Variants in RPL35 observed in about 807,000 individuals in gnomAD.
The protein encoded by RPL35 is ribosomal protein L35.
Under a neutral mutation model 15.6 loss-of-function variants are expected in RPL35, and 2 were observed. The observed-to-expected ratio is 0.13, with a 90% CI of 0.05 to 0.40. The LOEUF is 0.40. Among genes scored for constraint, RPL35 ranks in the 10% least tolerant of loss-of-function variants. RPL35 has a pLI of 0.99. For synonymous variants in RPL35, 93 were observed against 67.9 expected, an observed-to-expected ratio of 1.37 and a Z score of -1.82; for missense variants, 111 against 164.7, an observed-to-expected ratio of 0.67 and a Z score of 1.79.
intron 3 of RPL35, among the ~76,000 whole-genome samples, chr9:124,859,969 A>G (rs923802076): frequency 6.6e-6 from 1 of 152,190 alleles, no homozygotes; most frequent in Non-Finnish European, 1.5e-5. Flanking sequence ...CCCAAGCCCC[A>G]ATGAATTCTT....
At chr9:124,858,651 T>C (rs968829059) in intron 3 of RPL35, 1 of 628,634 alleles carries the variant, frequency 1.6e-6, no homozygotes, top group Admixed American at 2.4e-5. Flanking sequence ...TGTCTTTCCA[T>C]CCTTGGCTCC....
intron 2 of RPL35, 185 bp downstream of exon 2, chr9:124,861,234 C>A (rs760723928): frequency 8.4e-6 from 6 of 718,022 alleles, no homozygotes; most frequent in South Asian, 3.7e-5. Context: ...GCATTCCAGG[C>A]ACAAGGACCG....
At chr9:124,858,675 C>T in intron 3 of RPL35, 1 of 615,096 alleles carries the variant, frequency 1.6e-6, no homozygotes, top group Non-Finnish European at 2.9e-6. Flanking sequence ...TCCTGCCCCA[C>T]TTGTTCTCCA....
intron 3 of RPL35, among the ~76,000 whole-genome samples, chr9:124,859,618 T>C (rs1319942505): frequency 1.3e-5 from 2 of 152,132 alleles, no homozygotes; most frequent in Non-Finnish European, 2.9e-5. Flanking sequence ...CCTAGTTTTC[T>C]CTGCTTGAAC....
At position 124,861,557 on chromosome 9, in the gene RPL35, T is replaced by C. The variant is rs1329982012; in HGVS notation, c.4-2A>G. On this transcript the variant is annotated splice_acceptor_variant, in intron 1 of 3. Transcript: ENST00000348462. LOFTEE classifies it high-confidence loss of function. ...AAGATCTCGAGCCTTGATCTTGGCC[T>C]GCGCGCAAGAGAGAGTGTGCCTCAG... The C allele has an allele frequency of 6.8e-6, 11 of 1,613,518 alleles. No individual in the cohort carries two copies. The highest frequency in any genetic ancestry group is 9.3e-6 in the Non-Finnish European group (11 of 1,179,898).
intron 1 of RPL35, 76 bp downstream of exon 1, chr9:124,861,834 G>T (rs972588377): frequency 1.3e-6 from 2 of 1,565,814 alleles, no homozygotes; most frequent in Non-Finnish European, 8.7e-7. Context: ...TAGAATCCGC[G>T]GGCTCAGCCC....
rs1361326908 is a variant in RPL35, at chr9:124,860,201, G to A, written c.204C>T (p.Asn68=). The A allele has an allele frequency of 1.2e-6, 2 of 1,613,766 alleles. No homozygotes were observed. Among genetic ancestry groups the A allele is most frequent in the South Asian group, 1.1e-5 (1 of 91,080 alleles). The part of the protein sequence containing the change: ...LTVINQTQKE[N]LRKFYKGKKY... The stretch of plus-strand genomic sequence containing the variant: ...GACTCACCTTGTAGAATTTCCTGAG[G>A]TTTTCTTTCTGAGTCTGGTTAATAA... Residue 68 remains asparagine (N), a synonymous_variant, in exon 3 of 4, where the codon AAC becomes AAT. Coordinates refer to ENST00000348462, the MANE Select transcript of RPL35 (RefSeq NM_007209.4).
rs768566492 is a variant in RPL35 at position 124,857,995 on chromosome 9, C to T, written c.295G>A (p.Glu99Lys). ...RAMRRRLNKH[E>K]ENLKTKKQQR... is the part of the protein sequence containing the mutation. ...TGCTTCTTGGTCTTCAGGTTCTCCT[C>T]GTGCTTGTTGAGCCGGCGGCGCATG... is the stretch of plus-strand genomic sequence containing the variant. Residue 99 changes from glutamate to lysine, a missense_variant, in exon 4 of 4, where the codon GAG becomes AAG. Transcript: ENST00000348462. 7.4e-6 allele frequency: 12 copies of T among 1,612,160 alleles called. No homozygotes were observed. The highest frequency in any genetic ancestry group is 2.7e-5 in the African/African-American group (2 of 74,878).
At chr9:124,861,261 A>G in intron 2 of RPL35, 158 bp downstream of exon 2, 1 of 889,000 alleles carries the variant, frequency 1.1e-6, no homozygotes, top group East Asian at 2.5e-5. Context: ...CAAGGCAGGT[A>G]AGAGGCTAAG....
In RPL35 at chr9:124,858,037, G is replaced by A; in HGVS notation, c.253C>T (p.Pro85Ser). ...GKKYKPLDLR[P>S]KKTRAMRRRL... ...CGGCGCATGGCACGTGTCTTCTTAG[G>A]CCGCAGGTCCAGGGGCTTGTACTTC... The change falls in exon 4 of 4, where the codon CCT becomes TCT. Residue 85 changes from proline to serine, a missense_variant. By Grantham distance (74) the Pro-to-Ser change is moderately conservative. Coordinates refer to ENST00000348462, the MANE Select transcript of RPL35 (RefSeq NM_007209.4). 14 of 1,612,548 alleles carry A rather than the reference G, an allele frequency of 8.7e-6. No homozygotes were observed. The highest frequency in any genetic ancestry group is 1.2e-5 in the Non-Finnish European group (14 of 1,180,006).
intron 2 of RPL35, among the ~76,000 whole-genome samples, chr9:124,860,510 A>T (rs1447849427): frequency 6.6e-6 from 1 of 152,222 alleles, no homozygotes; most frequent in Non-Finnish European, 1.5e-5. Context: ...CTTCAATCCC[A>T]GAACACGAAT....
chr9:124,861,419 A>T lies in RPL35; in HGVS notation c.140T>A (p.Ile47Asn). The change falls in exon 2 of 4, where the codon ATC becomes AAC. Residue 47 changes from isoleucine (I) to asparagine (N), a missense_variant and splice_region_variant. Transcript: ENST00000348462. ...TGGAASKLSKIRVVRKSIARV... is the reference protein window; with the variant it reads ...TGGAASKLSKNRVVRKSIARV... ...GCTGTGATCCGGCCGCCTCACTTAC[A>T]TCTTAGAGAGCTTGGAGGCCGCACC... 6.2e-7 allele frequency: 1 copy of T among 1,612,158 alleles called. No individual in the cohort carries two copies. Among genetic ancestry groups the T allele is most frequent in the Non-Finnish European group, 8.5e-7 (1 of 1,179,450 alleles).
chr9:124,861,713 G>A, intron 1 of RPL35, 158 bp from the exon 2 acceptor site: 1 of 1,344,722 alleles, frequency 7.4e-7, no homozygotes, highest in South Asian at 1.4e-5. Context: ...CCGTGCCTTG[G>A]GCAGAGTAAC....
chr9:124,858,161 C>T (rs1829136047), intron 3 of RPL35, 94 bp from the exon 4 acceptor site: 1 of 1,301,428 alleles, frequency 7.7e-7, no homozygotes, highest in Non-Finnish European at 1.1e-6. Context: ...CAGAGCCACT[C>T]AGGAGGAGGC....
Position 124,861,496 on chromosome 9 carries a change from C to A in RPL35, c.63G>T (p.Leu21=), listed in dbSNP as rs1177514891. The change falls in exon 2 of 4, where the codon CTG becomes CTT. Residue 21 remains leucine, a synonymous_variant. Transcript: ENST00000348462. The stretch of plus-strand genomic sequence containing the variant: ...GGGACAGCTCCACCTTCAGGTCGTC[C>A]AGCTGTTTCAGCAGCTCCTCCTTCT... ...GKKKEELLKQ[L]DDLKVELSQL... The A allele has an allele frequency of 6.2e-7, 1 of 1,614,044 alleles. No individual in the cohort carries two copies. Among genetic ancestry groups the A allele is most frequent in the South Asian group, 1.1e-5 (1 of 91,084 alleles).
chr9:124,860,822 T>C (rs1829184859), intron 2 of RPL35, among the ~76,000 whole-genome samples: 1 of 152,240 alleles, frequency 6.6e-6, no homozygotes, highest in Admixed American at 6.5e-5. Flanking sequence ...CTAAGGTTGT[T>C]TGGGGGCAAA....
intron 1 of RPL35, 50 bp from the exon 2 acceptor site, chr9:124,861,605 C>G (rs766240701): frequency 1.3e-6 from 2 of 1,594,766 alleles, no homozygotes; most frequent in Admixed American, 1.7e-5. Context: ...GCCATATCCC[C>G]TTCACCTGCG....
At chr9:124,858,380 C>T in intron 3 of RPL35, 2 of 651,562 alleles carry the variant, frequency 3.1e-6, no homozygotes, top group Admixed American at 4.6e-5. Context: ...GCCCGATTCC[C>T]AGTCACGAGG....
At chr9:124,860,396 T>C in intron 2 of RPL35, 132 bp from the exon 3 acceptor site, 1 of 756,068 alleles carries the variant, frequency 1.3e-6, no homozygotes, top group South Asian at 1.5e-5. Context: ...GAGGAAGGCG[T>C]TCTGGGAGTG....
Sources: allele counts gnomAD v4.1 joint callset (sites outside exome capture counted in the v4.1 genomes callset), GRCh38; gene constraint gnomAD v4.1.1; transcripts MANE v1.5; gene names NCBI Gene and HGNC (gene_info 2026-07-23, HGNC 2026-07-21).